Variants in CHD9 observed in about 807,000 individuals in gnomAD.
CHD9 encodes ATP-dependent chromatin remodeler CHD9.
In CHD9, 77 loss-of-function variants were observed where a neutral mutation model predicts 316.1. That is an observed-to-expected ratio of 0.24 (90% CI 0.20 to 0.29). The LOEUF (loss-of-function observed/expected upper bound fraction) is 0.29, where lower values mean the gene tolerates loss of function less well. Ranked by LOEUF, CHD9 falls within the 10% of genes least tolerant of loss-of-function variation. The pLI, the probability that CHD9 is intolerant of heterozygous loss-of-function variation, is 1.00. For missense variants in CHD9, 2,763 were observed against 3,438.1 expected, an observed-to-expected ratio of 0.80 and a Z score of 4.91; for synonymous variants, 1,129 against 1,158.3, an observed-to-expected ratio of 0.97 and a Z score of 0.51.
At chr16:53,138,572 C>G (rs1044583809) in intron 1 of CHD9, among the ~76,000 whole-genome samples, 3 of 152,192 alleles carry the variant, frequency 2.0e-5, no homozygotes, top group South Asian at 2.1e-4. Flanking sequence ...TCAGAAGATT[C>G]TTAAAGCACT....
chr16:53,324,201 T>G lies in CHD9; in HGVS notation c.8000T>G (p.Val2667Gly). 4 of 1,614,032 alleles carry G rather than the reference T, an allele frequency of 2.5e-6. No individual in the cohort carries two copies. Among genetic ancestry groups the G allele is most frequent in the African/African-American group, 1.3e-5 (1 of 75,070 alleles). Residue 2667 changes from valine to glycine, a missense_variant, in exon 39 of 39, where the codon GTG becomes GGG. Val to Gly is a moderately radical substitution (Grantham distance 109). Coordinates refer to ENST00000447540, the MANE Select transcript of CHD9 (RefSeq NM_001308319.2). ...PLLANGLLPG[V>G]DLTTLQALQQ... ...TTAGCCAATGGACTACTTCCAGGTGTGGATCTCACAACTCTTCAGGCCTTA... is the reference window on the plus strand; with the variant it reads ...TTAGCCAATGGACTACTTCCAGGTGGGGATCTCACAACTCTTCAGGCCTTA...
At chr16:53,322,300 G>A (rs1018964413) in intron 38 of CHD9, among the ~76,000 whole-genome samples, 1 of 151,232 alleles carries the variant, frequency 6.6e-6, no homozygotes, top group Non-Finnish European at 1.5e-5. Flanking sequence ...CCCAGCCTAG[G>A]CAACTATTTT....
rs968220156 is a variant in CHD9 at position 53,281,660 on chromosome 16, C to T, written c.4968-3936C>T. Among the ~76,000 whole-genome samples, 8 of 152,264 alleles carry T rather than the reference C, an allele frequency of 5.3e-5. No individual in the cohort carries two copies. The East Asian group carries it at 5.8e-4, about 11-fold the overall frequency. On this transcript the variant is annotated intron_variant, in intron 24 of 38. Transcript: ENST00000447540. ...CTACAAGGGCCTCCATAACTCTGTACGTACTTTCTTTACTGTGTCCCTCAC... is the reference window on the plus strand; with the variant it reads ...CTACAAGGGCCTCCATAACTCTGTATGTACTTTCTTTACTGTGTCCCTCAC...
chr16:53,109,950 C>G (rs1341787208), intron 1 of CHD9, among the ~76,000 whole-genome samples: 1 of 152,176 alleles, frequency 6.6e-6, no homozygotes, highest in African/African-American at 2.4e-5. Context: ...TCCCAAAGTG[C>G]TGGGATTACA....
chr16:53,179,257 A>ATTTTTTGAAGCCT (rs2043307948), intron 2 of CHD9, among the ~76,000 whole-genome samples: 1 of 152,158 alleles, frequency 6.6e-6, no homozygotes, highest in African/African-American at 2.4e-5. Flanking sequence ...GGTAACTGCT[A>ATTTTTTGAAGCCT]ATTCTATATC....
rs191132922 is a variant in CHD9 at position 53,104,705 on chromosome 16, G to A, written c.-165+49628G>A. Among the ~76,000 whole-genome samples the A allele has an allele frequency of 2.3e-3, 355 of 151,812 alleles. 2 individuals carry two copies. Among genetic ancestry groups the A allele is most frequent in the African/African-American group, 7.9e-3 (325 of 41,384 alleles). The stretch of plus-strand genomic sequence containing the variant: ...CAGGTACCTGTAATCCCAGCTACTC[G>A]GGAGGCTGAGGCAGGAGAATTGCTT... On this transcript the variant is annotated intron_variant, in intron 1 of 38. Transcript: ENST00000447540.
chr16:53,057,814 C>T (rs1046145509), intron 1 of CHD9, among the ~76,000 whole-genome samples: 5 of 152,186 alleles, frequency 3.3e-5, no homozygotes, highest in African/African-American at 4.8e-5. Context: ...GGAGGACACG[C>T]TGCTTTCTGG....
At chr16:53,181,793 A>G (rs752683772) in intron 2 of CHD9, among the ~76,000 whole-genome samples, 122 of 152,044 alleles carry the variant, frequency 8.0e-4, no homozygotes, top group Non-Finnish European at 1.3e-3. Flanking sequence ...AAAATGATAA[A>G]ACAGGGCTGG....
intron 1 of CHD9, among the ~76,000 whole-genome samples, chr16:53,140,954 C>T (rs1080313): frequency 6.6e-6 from 1 of 152,018 alleles, no homozygotes; most frequent in Non-Finnish European, 1.5e-5. Flanking sequence ...AAATGGCTAT[C>T]TGCAGAGGGA....
intron 24 of CHD9, among the ~76,000 whole-genome samples, chr16:53,278,025 A>C (rs1320229956): frequency 6.6e-6 from 1 of 152,096 alleles, no homozygotes; most frequent in Non-Finnish European, 1.5e-5. Flanking sequence ...AAAAAAAAAA[A>C]AGGTACTTAG....
In CHD9 at chr16:53,327,008, A is replaced by G. The variant is rs2057565767; in HGVS notation, c.*2113A>G. 1 of 152,474 alleles carries G rather than the reference A, an allele frequency of 6.6e-6. No homozygotes were observed. The highest frequency in any genetic ancestry group is 1.5e-5 in the Non-Finnish European group (1 of 67,940). The allele number at this position is 152,474 out of a possible 1,614,324, so 9.4% of individuals were successfully genotyped here. ...ATCCTAGTGATTCTCTTTCTATATA[A>G]TAAGGCAATTACAGTTTTCAAAGCA... is the stretch of plus-strand genomic sequence containing the variant. On this transcript the variant is annotated 3_prime_UTR_variant, in exon 39 of 39. Coordinates refer to ENST00000447540, the MANE Select transcript of CHD9 (RefSeq NM_001308319.2).
At chr16:53,127,810 G>T (rs1296373485) in intron 1 of CHD9, among the ~76,000 whole-genome samples, 1 of 151,822 alleles carries the variant, frequency 6.6e-6, no homozygotes, top group Non-Finnish European at 1.5e-5. Context: ...AATCCAAGCT[G>T]CTCGGGAGGC....
At chr16:53,319,804 C>G in intron 37 of CHD9, 1 of 1,255,478 alleles carries the variant, frequency 8.0e-7, no homozygotes. Context: ...TTGAGTCTCT[C>G]GGGTACAGGC....
intron 37 of CHD9, among the ~76,000 whole-genome samples, chr16:53,320,923 C>T (rs760054821): frequency 6.6e-5 from 10 of 152,032 alleles, no homozygotes; most frequent in Non-Finnish European, 8.8e-5. Context: ...TAACTTTAGG[C>T]AAATTATATA....
intron 1 of CHD9, among the ~76,000 whole-genome samples, chr16:53,057,012 A>T (rs529173342): frequency 1.2e-4 from 18 of 152,108 alleles, no homozygotes; most frequent in Admixed American, 3.3e-4. Context: ...AATAATTCTT[A>T]AAAAAAATTT....
At chr16:53,066,017 T>A (rs529572002) in intron 1 of CHD9, among the ~76,000 whole-genome samples, 1 of 152,290 alleles carries the variant, frequency 6.6e-6, no homozygotes, top group South Asian at 2.1e-4. Flanking sequence ...CTCCTCGTAT[T>A]TTGGGGTGGC....
chr16:53,099,938 G>C (rs541178247), intron 1 of CHD9, among the ~76,000 whole-genome samples: 18 of 152,230 alleles, frequency 1.2e-4, no homozygotes, highest in Non-Finnish European at 1.8e-4. Context: ...TGTGCAGGGC[G>C]GGGGAGGAGG....
chr16:53,253,218 A>ATG (rs756424297), intron 17 of CHD9, among the ~76,000 whole-genome samples: 60 of 135,142 alleles, frequency 4.4e-4, no homozygotes, highest in African/African-American at 5.9e-4. Flanking sequence ...GTGTGTATAT[A>ATG]TGTGTGTGTA....
intron 37 of CHD9, among the ~76,000 whole-genome samples, chr16:53,318,976 C>G (rs9937554): frequency 6.6e-6 from 1 of 152,108 alleles, no homozygotes; most frequent in African/African-American, 2.4e-5. Context: ...TTGAAGTTAC[C>G]TTGTAGACTA....
Sources: allele counts gnomAD v4.1 joint callset (sites outside exome capture counted in the v4.1 genomes callset), GRCh38; gene constraint gnomAD v4.1.1; transcripts MANE v1.5; gene names NCBI Gene and HGNC (gene_info 2026-07-23, HGNC 2026-07-21).